The following FRMD4B variants were observed in gnomAD, a reference collection of about 807,000 sequenced individuals.
FRMD4B encodes the protein FERM domain containing 4B.
A neutral mutation model predicts 141.5 loss-of-function variants in FRMD4B; 74 were observed. That is an observed-to-expected ratio of 0.52 (90% CI 0.43 to 0.63). The LOEUF (loss-of-function observed/expected upper bound fraction) is 0.63, where lower values mean the gene tolerates loss of function less well. Among genes scored for constraint, FRMD4B ranks in the 30% least tolerant of loss-of-function variants. The pLI is 0.00. For missense variants in FRMD4B, 1,366 were observed against 1,253.4 expected, an observed-to-expected ratio of 1.09 and a Z score of -1.36; for synonymous variants, 506 against 467.9, an observed-to-expected ratio of 1.08 and a Z score of -1.05.
intron 1 of FRMD4B, among the ~76,000 whole-genome samples, chr3:69,478,377 T>C (rs1248244848): frequency 2.6e-5 from 4 of 152,238 alleles, no homozygotes; most frequent in Non-Finnish European, 5.9e-5. Flanking sequence ...CTGCTTTGAA[T>C]GTGTCCCAGA....
At chr3:69,360,025 T>C (rs546159693) in intron 1 of FRMD4B, among the ~76,000 whole-genome samples, 1 of 152,152 alleles carries the variant, frequency 6.6e-6, no homozygotes, top group Non-Finnish European at 1.5e-5. Context: ...GTGGAATGCA[T>C]CCAGGGGTTA....
chr3:69,192,041 T>TA (rs1261369550), intron 17 of FRMD4B, among the ~76,000 whole-genome samples: 4 of 152,072 alleles, frequency 2.6e-5, no homozygotes, highest in Non-Finnish European at 5.9e-5. Context: ...CAAAAAATAA[T>TA]AAAAAAAGTA....
intron 1 of FRMD4B, among the ~76,000 whole-genome samples, chr3:69,503,207 A>G (rs1706531620): frequency 6.6e-6 from 1 of 152,174 alleles, no homozygotes; most frequent in South Asian, 2.1e-4. Context: ...AGGATTATAA[A>G]TCATGCTGCT....
At chr3:69,345,334 C>T (rs1326266833) in intron 1 of FRMD4B, among the ~76,000 whole-genome samples, 1 of 152,178 alleles carries the variant, frequency 6.6e-6, no homozygotes, top group Non-Finnish European at 1.5e-5. Flanking sequence ...AGCAAAGCAG[C>T]CTGGAAGCTC....
chr3:69,290,284 G>A (rs1163993801), intron 4 of FRMD4B, among the ~76,000 whole-genome samples: 1 of 152,152 alleles, frequency 6.6e-6, no homozygotes, highest in Non-Finnish European at 1.5e-5. Flanking sequence ...GACTTGAGGG[G>A]CGGGTGAGGA....
At chr3:69,221,947 G>A in intron 8 of FRMD4B, 24 bp from the exon 9 acceptor site, 1 of 1,208,516 alleles carries the variant, frequency 8.3e-7, no homozygotes, top group East Asian at 2.4e-5. Context: ...AAATGAGAAG[G>A]ATTGCAATGC....
chr3:69,368,048 CTTTT>C (rs1198498218), intron 1 of FRMD4B, among the ~76,000 whole-genome samples: 1 of 152,174 alleles, frequency 6.6e-6, no homozygotes, highest in African/African-American at 2.4e-5. Flanking sequence ...TTCCTTCTCT[CTTTT>C]TTTATTTTAC....
chr3:69,241,411 CTTTG>C (rs1285711767), intron 7 of FRMD4B, among the ~76,000 whole-genome samples: 2 of 152,164 alleles, frequency 1.3e-5, no homozygotes, highest in African/African-American at 2.4e-5. Flanking sequence ...ACTTGGGAAA[CTTTG>C]TTTAACTTTT....
intron 11 of FRMD4B, among the ~76,000 whole-genome samples, chr3:69,204,784 C>T (rs1290483529): frequency 1.3e-5 from 2 of 152,130 alleles, no homozygotes; most frequent in African/African-American, 2.4e-5. Context: ...ATAAACTAAG[C>T]GCTCAGCTGG....
chr3:69,256,509 G>A (rs1345332178), intron 5 of FRMD4B, among the ~76,000 whole-genome samples: 3 of 152,042 alleles, frequency 2.0e-5, no homozygotes, highest in African/African-American at 7.2e-5. Flanking sequence ...TAGTAGAGAT[G>A]GGGTTTCACC....
intron 1 of FRMD4B, among the ~76,000 whole-genome samples, chr3:69,332,898 C>G (rs569369226): frequency 1.6e-4 from 25 of 151,958 alleles, no homozygotes; most frequent in Admixed American, 8.5e-4. Context: ...TTTTTTCTAT[C>G]GCTTCAAACC....
chr3:69,346,890 AAGACCATCG>A (rs1702962473), intron 1 of FRMD4B, among the ~76,000 whole-genome samples: 1 of 152,202 alleles, frequency 6.6e-6, no homozygotes, highest in African/African-American at 2.4e-5. Flanking sequence ...CCAAATTGTA[AAGACCATCG>A]AGGCTAGGAA....
intron 17 of FRMD4B, among the ~76,000 whole-genome samples, chr3:69,191,432 CAAAAAACAAACA>C (rs913608005): frequency 1.3e-5 from 2 of 151,010 alleles, no homozygotes; most frequent in Non-Finnish European, 1.5e-5. Flanking sequence ...AGAAAAAAAA[CAAAAAACAAACA>C]AAAAAACAAA....
chr3:69,512,562 A>T (rs1706706487), intron 1 of FRMD4B, among the ~76,000 whole-genome samples: 1 of 152,210 alleles, frequency 6.6e-6, no homozygotes, highest in Non-Finnish European at 1.5e-5. Context: ...GGGATCCATG[A>T]TGATGGGTGA....
intron 1 of FRMD4B, among the ~76,000 whole-genome samples, chr3:69,494,335 G>C (rs1372266710): frequency 6.6e-6 from 1 of 152,168 alleles, no homozygotes; most frequent in Non-Finnish European, 1.5e-5. Context: ...AGCTCTGCAA[G>C]GAAATTCAGT....
intron 7 of FRMD4B, among the ~76,000 whole-genome samples, chr3:69,231,857 T>G (rs1024249464): frequency 1.3e-5 from 2 of 152,190 alleles, no homozygotes; most frequent in Non-Finnish European, 2.9e-5. Context: ...GTTTCCATAG[T>G]TTAGGATCAA....
chr3:69,183,816 A>G (rs1314889445), intron 19 of FRMD4B, among the ~76,000 whole-genome samples: 1 of 151,774 alleles, frequency 6.6e-6, no homozygotes, highest in Non-Finnish European at 1.5e-5. Context: ...AATAATTTTG[A>G]TCAAATTTTA....
intron 5 of FRMD4B, among the ~76,000 whole-genome samples, chr3:69,256,112 T>C (rs1014047764): frequency 2.0e-5 from 3 of 151,064 alleles, no homozygotes; most frequent in African/African-American, 4.9e-5. Flanking sequence ...AAATAAAAGG[T>C]TGGGGGGGAG....
At chr3:69,519,318 G>A (rs1700816126) in intron 1 of FRMD4B, among the ~76,000 whole-genome samples, 1 of 152,182 alleles carries the variant, frequency 6.6e-6, no homozygotes, top group Non-Finnish European at 1.5e-5. Flanking sequence ...AAGCTAGGTT[G>A]TGCAAAGGAC....
Sources: gnomAD v4.1 joint callset for allele counts (sites outside exome capture counted in the v4.1 genomes callset) on GRCh38, gnomAD v4.1.1 for gene constraint, MANE v1.5 for transcripts, NCBI Gene and HGNC (gene_info 2026-07-23, HGNC 2026-07-21) for gene names.